Variants in PHTF1 observed in about 807,000 individuals in gnomAD.
PHTF1 encodes the protein putative homeodomain transcription factor 1.
PHTF1 carries 88 observed loss-of-function variants against 102.4 expected under a neutral mutation model. The ratio of observed to expected loss-of-function variants is 0.86; its 90% confidence interval spans 0.72 to 1.03. PHTF1 has a LOEUF of 1.03. PHTF1 is among the 50% of genes least tolerant of loss of function. The probability of loss-of-function intolerance (pLI) is 0.00; values close to 1 mark genes in which losing one functional copy is unlikely to be tolerated. For missense variants in PHTF1, 814 were observed against 909.5 expected (o/e 0.89, Z 1.35); for synonymous variants, 289 against 305.2 (o/e 0.95, Z 0.55).
intron 5 of PHTF1, among the ~76,000 whole-genome samples, chr1:113,735,454 A>C (rs1370046870): frequency 6.6e-6 from 1 of 150,878 alleles, no homozygotes; most frequent in Non-Finnish European, 1.5e-5. Flanking sequence ...ATATGACTCT[A>C]CATATGATAG....
chr1:113,757,905 A>G, intron 2 of PHTF1, 150 bp from the exon 3 acceptor site: 3 of 623,730 alleles, frequency 4.8e-6, no homozygotes, highest in Non-Finnish European at 8.6e-6. Context: ...CAATACTTCG[A>G]AGGACTGTTT....
chr1:113,727,218 A>G (rs1339118070), intron 5 of PHTF1, among the ~76,000 whole-genome samples: 2 of 152,210 alleles, frequency 1.3e-5, no homozygotes, highest in Non-Finnish European at 2.9e-5. Context: ...AAAGAAAGTT[A>G]CCTATTCCAT....
chr1:113,705,833 T>G (rs765391098), intron 13 of PHTF1, 57 bp downstream of exon 13: 111 of 1,357,012 alleles, frequency 8.2e-5, no homozygotes, highest in Non-Finnish European at 1.0e-4. Flanking sequence ...CAAAAGCAAC[T>G]CAATGGAATA....
At chr1:113,732,301 G>A (rs1232548439) in intron 5 of PHTF1, among the ~76,000 whole-genome samples, 3 of 152,206 alleles carry the variant, frequency 2.0e-5, no homozygotes, top group Non-Finnish European at 4.4e-5. Context: ...TTCAAGACCA[G>A]CATGGTCAAC....
intron 7 of PHTF1, among the ~76,000 whole-genome samples, chr1:113,720,233 G>A (rs1652702640): frequency 6.6e-6 from 1 of 152,162 alleles, no homozygotes; most frequent in African/African-American, 2.4e-5. Context: ...GGTCAATGCA[G>A]CAAGAGGACA....
chr1:113,724,117 A>G (rs914142690), intron 7 of PHTF1, among the ~76,000 whole-genome samples: 4 of 152,204 alleles, frequency 2.6e-5, no homozygotes, highest in African/African-American at 9.6e-5. Context: ...ACAGACGATA[A>G]CAAATGCTGG....
In PHTF1 at chr1:113,758,883, A is replaced by C. The variant is rs980510343; in HGVS notation, c.-31+140T>G. On this transcript the variant is annotated intron_variant, in intron 1 of 18. Coordinates refer to ENST00000369604, the MANE Select transcript of PHTF1 (RefSeq NM_001323043.2). ...AGGGAAAACACAACAAACAAACAAA[A>C]AAAAACTGGCGCAGCGGCGACCGGA... 3.3e-5 allele frequency: 43 copies of C among 1,320,244 alleles called. 2 individuals carry two copies. Among genetic ancestry groups the C allele is most frequent in the Middle Eastern group, 2.9e-4 (1 of 3,464 alleles). The allele number at this position is 1,320,244 out of a possible 1,614,324, so 81.8% of individuals were successfully genotyped here.
chr1:113,739,411 C>T (rs1656002410), intron 3 of PHTF1, among the ~76,000 whole-genome samples: 1 of 152,188 alleles, frequency 6.6e-6, no homozygotes, highest in African/African-American at 2.4e-5. Flanking sequence ...CTGAATTTCA[C>T]TCCTCAAAAA....
chr1:113,753,250 G>A (rs900293798), intron 3 of PHTF1, among the ~76,000 whole-genome samples: 2 of 152,104 alleles, frequency 1.3e-5, no homozygotes, highest in Admixed American at 1.3e-4. Context: ...AGGTTTCAGG[G>A]TAATACTAGT....
chr1:113,745,869 ATATAT>A (rs371673077), intron 3 of PHTF1, among the ~76,000 whole-genome samples: 2 of 152,312 alleles, frequency 1.3e-5, no homozygotes, highest in South Asian at 2.1e-4. Context: ...TTATTTCATT[ATATAT>A]TATAAGGTAA....
chr1:113,700,620 T>C (rs542497326), intron 16 of PHTF1, among the ~76,000 whole-genome samples, 174 bp downstream of exon 16: 27 of 152,304 alleles, frequency 1.8e-4, no homozygotes, highest in South Asian at 8.3e-4. Flanking sequence ...GGAGGAGATA[T>C]TACATCCATT....
chr1:113,698,152 AAC>A (rs59861045), intron 18 of PHTF1, 108 bp downstream of exon 18: 81,392 of 543,590 alleles, frequency 0.15, 3,232 homozygotes, highest in East Asian at 0.39. Flanking sequence ...GCATGCTAGA[AAC>A]ACACACACAC....
chr1:113,707,708 T>C (rs555053484), intron 11 of PHTF1, among the ~76,000 whole-genome samples: 19 of 152,316 alleles, frequency 1.2e-4, no homozygotes, highest in African/African-American at 4.3e-4. Flanking sequence ...GCACCTACTA[T>C]GTATCATGCA....
chr1:113,727,329 A>G (rs1265143102), intron 5 of PHTF1, among the ~76,000 whole-genome samples: 1 of 152,186 alleles, frequency 6.6e-6, no homozygotes, highest in African/African-American at 2.4e-5. Context: ...ATTTGCCACT[A>G]AAAAGTAAGC....
chr1:113,728,285 A>G (rs1230639), intron 5 of PHTF1, among the ~76,000 whole-genome samples: 117,073 of 152,162 alleles, frequency 0.77, 46,020 homozygotes, highest in African/African-American at 0.91. Context: ...ATTTTAAAAC[A>G]GGCAAAAGAT....
chr1:113,733,899 A>C (rs1054414598), intron 5 of PHTF1, among the ~76,000 whole-genome samples: 1 of 152,222 alleles, frequency 6.6e-6, no homozygotes, highest in Non-Finnish European at 1.5e-5. Flanking sequence ...GAATACTTGA[A>C]GTACATAGTA....
chr1:113,734,874 T>C (rs947730415), intron 5 of PHTF1, among the ~76,000 whole-genome samples: 3 of 152,150 alleles, frequency 2.0e-5, no homozygotes, highest in Non-Finnish European at 4.4e-5. Flanking sequence ...CTGACACCTA[T>C]GAATCAGAAA....
At position 113,755,710 on chromosome 1, in the gene PHTF1, T is replaced by G. The variant is rs553609601; in HGVS notation, c.102+1989A>C. Among the ~76,000 whole-genome samples the G allele has an allele frequency of 5.3e-5, 8 of 152,222 alleles. No homozygotes were observed. The South Asian group carries it at 1.7e-3, about 32-fold the overall frequency. ...ACACACATAGGTTAACAAATAACTT[T>G]GATATCATGCACTAAAAGGAAGGTA... On this transcript the variant is annotated intron_variant, in intron 3 of 18. Transcript: ENST00000369604.
At chr1:113,739,449 C>G (rs138743510) in intron 3 of PHTF1, among the ~76,000 whole-genome samples, 29 of 152,058 alleles carry the variant, frequency 1.9e-4, no homozygotes, top group African/African-American at 7.0e-4. Context: ...TTTTTTGCTT[C>G]TACTATTTTT....
Sources: allele counts gnomAD v4.1 joint callset (sites outside exome capture counted in the v4.1 genomes callset), GRCh38; gene constraint gnomAD v4.1.1; transcripts MANE v1.5; gene names NCBI Gene and HGNC (gene_info 2026-07-23, HGNC 2026-07-21).